The following ARSB variants were observed in gnomAD, a reference collection of about 807,000 sequenced individuals.
The protein encoded by ARSB is arylsulfatase B, also known as N-acetylgalactosamine-4-sulfatase.
ARSB carries 41 observed loss-of-function variants against 50.9 expected under a neutral mutation model. That is an observed-to-expected ratio of 0.81 (90% CI 0.63 to 1.04). ARSB has a LOEUF of 1.04. Among genes scored for constraint, ARSB ranks in the 50% least tolerant of loss-of-function variants. The pLI is 0.00. For missense variants in ARSB, 672 were observed against 693.3 expected, an observed-to-expected ratio of 0.97 and a Z score of 0.35; for synonymous variants, 269 against 284.8, an observed-to-expected ratio of 0.94 and a Z score of 0.56.
intron 6 of ARSB, among the ~76,000 whole-genome samples, chr5:78,801,319 A>C (rs192251654): frequency 6.6e-6 from 1 of 152,304 alleles, no homozygotes; most frequent in Admixed American, 6.5e-5. Context: ...ATCAGAGCAG[A>C]AAGAAACCAA....
upstream of ARSB, chr5:78,985,608 A>G (rs917726080): frequency 6.6e-5 from 11 of 165,948 alleles, no homozygotes; most frequent in African/African-American, 2.6e-4. Context: ...TTTACAAAGC[A>G]TCTTCACAGC....
chr5:78,851,882 C>T (rs973842656), intron 5 of ARSB, among the ~76,000 whole-genome samples: 1 of 151,954 alleles, frequency 6.6e-6, no homozygotes, highest in Non-Finnish European at 1.5e-5. Flanking sequence ...AGGATTGCAA[C>T]CCCTGCCTTT....
chr5:78,878,565 T>TG lies in ARSB; in HGVS notation c.1142+7018_1142+7019insC, dbSNP rs576681003. ...TGGAATGAAGTATCATTTTATGTGT[T>TG]TTTTTTTTTTCTTGAAGTATCCATT... On this transcript the variant is annotated intron_variant, in intron 5 of 7. Transcript: ENST00000264914. Among the ~76,000 whole-genome samples the TG allele has an allele frequency of 2.3e-4, 27 of 115,906 alleles. No individual in the cohort carries two copies. The South Asian group carries it at 7.2e-3, about 31-fold the overall frequency. 76.0% of individuals were successfully genotyped at this position (115,906 alleles called of 152,430 possible).
At position 78,889,572 on chromosome 5, in the gene ARSB, G is replaced by C. The variant is rs189621839; in HGVS notation, c.899-3745C>G. The stretch of plus-strand genomic sequence containing the variant: ...TATAAGGCCTTTACTGTCTAGAAAA[G>C]AAATGTCAAAGTAAGACAAACATTA... On this transcript the variant is annotated intron_variant, in intron 4 of 7. Coordinates refer to ENST00000264914, the MANE Select transcript of ARSB (RefSeq NM_000046.5). 2.6e-5 allele frequency among the ~76,000 whole-genome samples: 4 copies of C among 152,248 alleles called. No individual in the cohort carries two copies. In the East Asian group the frequency reaches 7.7e-4, roughly 29 times the overall value.
chr5:78,918,320 T>C (rs924907655), intron 4 of ARSB, among the ~76,000 whole-genome samples: 50 of 152,336 alleles, frequency 3.3e-4, no homozygotes, highest in African/African-American at 1.1e-3. Context: ...AATTAAACTT[T>C]ATAGAAACTT....
intron 1 of ARSB, among the ~76,000 whole-genome samples, chr5:78,975,853 T>C (rs912195003): frequency 6.6e-6 from 1 of 152,210 alleles, no homozygotes; most frequent in African/African-American, 2.4e-5. Context: ...GGCAATCTAA[T>C]GGAGAAGTCA....
At chr5:78,921,992 G>C (rs1289970569) in intron 4 of ARSB, among the ~76,000 whole-genome samples, 1 of 152,130 alleles carries the variant, frequency 6.6e-6, no homozygotes, top group Non-Finnish European at 1.5e-5. Context: ...GCAGAATTCA[G>C]CTGGCACCCG....
chr5:78,800,321 TAA>T (rs780478380), intron 6 of ARSB, among the ~76,000 whole-genome samples: 39 of 121,844 alleles, frequency 3.2e-4, no homozygotes, highest in Admixed American at 7.4e-4. Context: ...CCATCTCAAT[TAA>T]AAAAAAAAAA....
intron 6 of ARSB, among the ~76,000 whole-genome samples, chr5:78,798,294 T>C (rs1743249870): frequency 6.6e-6 from 1 of 152,064 alleles, no homozygotes; most frequent in South Asian, 2.1e-4. Context: ...CACCATTGAA[T>C]TCACATTTTT....
intron 5 of ARSB, among the ~76,000 whole-genome samples, chr5:78,852,757 T>C (rs1203715533): frequency 6.6e-6 from 1 of 152,086 alleles, no homozygotes; most frequent in African/African-American, 2.4e-5. Context: ...TGTTCGTTTC[T>C]TTTTATTCTT....
intron 4 of ARSB, among the ~76,000 whole-genome samples, chr5:78,919,434 A>G (rs753546528): frequency 1.6e-4 from 25 of 152,168 alleles, no homozygotes; most frequent in Non-Finnish European, 3.1e-4. Flanking sequence ...CTTAGTGTGC[A>G]GCCCTGCATT....
intron 3 of ARSB, among the ~76,000 whole-genome samples, chr5:78,961,177 T>C (rs963775167): frequency 3.3e-5 from 5 of 152,204 alleles, no homozygotes; most frequent in African/African-American, 7.2e-5. Context: ...CTACAATCTA[T>C]ATATAGTACC....
chr5:78,981,474 T>C (rs1035346304), intron 1 of ARSB, among the ~76,000 whole-genome samples: 10 of 152,238 alleles, frequency 6.6e-5, no homozygotes, highest in Admixed American at 1.3e-4. Context: ...ATTTGTAAGA[T>C]ACACTGTGTT....
At chr5:78,815,871 G>T in intron 6 of ARSB, 1 of 1,400,488 alleles carries the variant, frequency 7.1e-7, no homozygotes, top group Non-Finnish European at 9.3e-7. Context: ...TGACCCATCT[G>T]TGGTAGTTTA....
intron 6 of ARSB, among the ~76,000 whole-genome samples, chr5:78,813,484 A>T (rs1238063805): frequency 6.6e-6 from 1 of 152,220 alleles, no homozygotes; most frequent in Non-Finnish European, 1.5e-5. Flanking sequence ...AAGGCCAGGC[A>T]CAGTGACTCA....
At chr5:78,900,054 G>A (rs1375415708) in intron 4 of ARSB, among the ~76,000 whole-genome samples, 1 of 152,068 alleles carries the variant, frequency 6.6e-6, no homozygotes, top group Non-Finnish European at 1.5e-5. Flanking sequence ...TCTAGTAAAC[G>A]GTTGCAGTGC....
At chr5:78,873,864 T>C (rs1747359885) in intron 5 of ARSB, among the ~76,000 whole-genome samples, 1 of 152,192 alleles carries the variant, frequency 6.6e-6, no homozygotes, top group African/African-American at 2.4e-5. Context: ...TAACTCACTT[T>C]TATCTGAGAA....
At chr5:78,967,848 G>A (rs1439443391) in intron 2 of ARSB, among the ~76,000 whole-genome samples, 6 of 151,894 alleles carry the variant, frequency 4.0e-5, no homozygotes, top group East Asian at 1.9e-4. Context: ...TTTTGGCTAC[G>A]GAGGGTTGTA....
chr5:78,815,891 T>G (rs1743965681), intron 6 of ARSB: 1 of 1,430,700 alleles, frequency 7.0e-7, no homozygotes. Context: ...ATGGTTGATC[T>G]AAGTAAGACA....
Sources: allele counts gnomAD v4.1 joint callset (sites outside exome capture counted in the v4.1 genomes callset), GRCh38; gene constraint gnomAD v4.1.1; transcripts MANE v1.5; gene names NCBI Gene and HGNC (gene_info 2026-07-23, HGNC 2026-07-21).